The following TXNDC9 variants were observed in gnomAD, a reference collection of about 807,000 sequenced individuals.
TXNDC9 encodes the protein thioredoxin domain-containing protein 9.
Under a neutral mutation model 23.0 loss-of-function variants are expected in TXNDC9, and 7 were observed. The observed-to-expected ratio is 0.30, with a 90% CI of 0.17 to 0.57. The LOEUF is 0.57. Ranked by LOEUF, TXNDC9 falls within the 20% of genes least tolerant of loss-of-function variation. The pLI is 0.90. For synonymous variants in TXNDC9, 72 were observed against 90.6 expected, an observed-to-expected ratio of 0.79 and a Z score of 1.17; for missense variants, 198 against 252.6, an observed-to-expected ratio of 0.78 and a Z score of 1.47.
At chr2:99,325,246 A>AT (rs1194625790) in intron 3 of TXNDC9, among the ~76,000 whole-genome samples, 1 of 152,176 alleles carries the variant, frequency 6.6e-6, no homozygotes, top group Non-Finnish European at 1.5e-5. Flanking sequence ...CATGTACCCC[A>AT]TATTTACCTA....
the TXNDC9 span, among the ~76,000 whole-genome samples, chr2:99,313,380 C>T: frequency 1.3e-5 from 2 of 152,102 alleles, no homozygotes; most frequent in Admixed American, 6.6e-5. Flanking sequence ...AGTCTTTCCC[C>T]CTACTTTTCC....
At chr2:99,310,262 T>C in the TXNDC9 span, among the ~76,000 whole-genome samples, 1 of 152,330 alleles carries the variant, frequency 6.6e-6, no homozygotes, top group African/African-American at 2.4e-5. Context: ...ATGATCTCTT[T>C]GGAGCAGAAG....
chr2:99,307,203 C>A, the TXNDC9 span, among the ~76,000 whole-genome samples: 2 of 150,012 alleles, frequency 1.3e-5, no homozygotes, highest in Admixed American at 1.3e-4. Flanking sequence ...AGTGTTGGAC[C>A]TCAATGTGTC....
intron 1 of TXNDC9, 149 bp from the exon 2 acceptor site, chr2:99,333,391 AT>A: frequency 3.1e-6 from 2 of 635,068 alleles, no homozygotes; most frequent in Non-Finnish European, 2.6e-6. Flanking sequence ...GGGCTTAACA[AT>A]TTTTATGTGT....
downstream of TXNDC9, among the ~76,000 whole-genome samples, chr2:99,316,232 G>T (rs573175957): frequency 1.3e-5 from 2 of 151,560 alleles, no homozygotes; most frequent in Non-Finnish European, 2.9e-5. Flanking sequence ...CTGGAGTATA[G>T]TGGTGCAATC....
the TXNDC9 span, among the ~76,000 whole-genome samples, chr2:99,306,505 T>C: frequency 6.6e-6 from 1 of 151,766 alleles, no homozygotes; most frequent in Non-Finnish European, 1.5e-5. Context: ...TTAGTTGAGC[T>C]GGGGCACAGG....
chr2:99,332,375 G>A (rs946334594), intron 2 of TXNDC9, among the ~76,000 whole-genome samples: 2 of 152,142 alleles, frequency 1.3e-5, no homozygotes, highest in Non-Finnish European at 1.5e-5. Flanking sequence ...GCCGGGAAGC[G>A]GAGGTTGCAG....
the TXNDC9 span, among the ~76,000 whole-genome samples, chr2:99,306,996 A>C: frequency 6.9e-6 from 1 of 144,572 alleles, no homozygotes; most frequent in East Asian, 2.1e-4. Flanking sequence ...TGACACACCA[A>C]GTTCAATTCC....
downstream of TXNDC9, among the ~76,000 whole-genome samples, chr2:99,316,222 C>T (rs2094188834): frequency 6.6e-6 from 1 of 151,666 alleles, no homozygotes; most frequent in Admixed American, 6.6e-5. Flanking sequence ...GTTGCCCATG[C>T]TGGAGTATAG....
At chr2:99,307,065 T>C in the TXNDC9 span, among the ~76,000 whole-genome samples, 2 of 134,886 alleles carry the variant, frequency 1.5e-5, no homozygotes, top group Non-Finnish European at 3.2e-5. Context: ...CCTCCCTTCC[T>C]CTTCCCTTCC....
chr2:99,322,703 T>C (rs769707378), intron 3 of TXNDC9: 4 of 1,470,676 alleles, frequency 2.7e-6, no homozygotes, highest in Non-Finnish European at 3.6e-6. Context: ...ACTAATAATA[T>C]TTAAATAAAT....
At chr2:99,332,954 ACATGTATATAT>A (rs770062855) in intron 2 of TXNDC9, 57 bp downstream of exon 2, 2 of 1,224,460 alleles carry the variant, frequency 1.6e-6, no homozygotes, top group Non-Finnish European at 2.4e-6. Flanking sequence ...CTACTACAGC[ACATGTATATAT>A]AAGTTGTTAG....
the TXNDC9 span, among the ~76,000 whole-genome samples, chr2:99,311,977 A>T: frequency 6.6e-6 from 1 of 152,154 alleles, no homozygotes; most frequent in Non-Finnish European, 1.5e-5. Flanking sequence ...ATACACATTT[A>T]ATCAGACAGT....
intron 1 of TXNDC9, 86 bp from the exon 2 acceptor site, chr2:99,333,328 T>C (rs2094230393): frequency 2.8e-6 from 3 of 1,079,494 alleles, no homozygotes; most frequent in East Asian, 2.6e-5. Flanking sequence ...TTCTGGCAAG[T>C]GTATAATGTG....
At chr2:99,315,312 G>A (rs566056582), downstream of TXNDC9, among the ~76,000 whole-genome samples, 179 of 151,864 alleles carry the variant, frequency 1.2e-3, no homozygotes, top group Non-Finnish European at 2.0e-3. Context: ...TGATCTGCCC[G>A]CCTTGGCCTC....
At chr2:99,334,701 C>T (rs1277231559) in intron 1 of TXNDC9, among the ~76,000 whole-genome samples, 2 of 152,030 alleles carry the variant, frequency 1.3e-5, no homozygotes, top group Non-Finnish European at 2.9e-5. Context: ...TTTGTACTAG[C>T]AATTAGTACA....
intron 4 of TXNDC9, chr2:99,321,492 C>T (rs1004022209): frequency 3.3e-5 from 5 of 152,568 alleles, no homozygotes; most frequent in Non-Finnish European, 7.3e-5. Context: ...ATAAGTAAAA[C>T]AGAAATATCC....
chr2:99,335,509 C>T (rs2094236682), intron 1 of TXNDC9, among the ~76,000 whole-genome samples: 1 of 152,084 alleles, frequency 6.6e-6, no homozygotes, highest in African/African-American at 2.4e-5. Context: ...ATTGTAAGCT[C>T]CTCGTGAGTG....
At position 99,326,463 on chromosome 2, in the gene TXNDC9, T is replaced by C. The variant is rs562228740; in HGVS notation, c.308+1072A>G. Among the ~76,000 whole-genome samples, 5 of 152,364 alleles carry C rather than the reference T, an allele frequency of 3.3e-5. No individual in the cohort carries two copies. In the East Asian group the frequency reaches 9.6e-4, roughly 29 times the overall value. ...GGTGCCAGTCAGCAGATGACTGCCA[T>C]CATAGTTCCAGCTATGCTATTAGCA... On this transcript the variant is annotated intron_variant, in intron 3 of 4. Coordinates refer to ENST00000264255, the MANE Select transcript of TXNDC9 (RefSeq NM_005783.4).
Sources: gnomAD v4.1 joint callset for allele counts (sites outside exome capture counted in the v4.1 genomes callset) on GRCh38, gnomAD v4.1.1 for gene constraint, MANE v1.5 for transcripts, NCBI Gene and HGNC (gene_info 2026-07-23, HGNC 2026-07-21) for gene names.